PCGF5: variants seen among roughly 807,000 people sequenced by gnomAD.
The protein encoded by PCGF5 is polycomb group ring finger 5.
PCGF5 carries 9 observed loss-of-function variants against 44.3 expected under a neutral mutation model. The ratio of observed to expected loss-of-function variants is 0.20; its 90% confidence interval spans 0.12 to 0.35. The LOEUF (loss-of-function observed/expected upper bound fraction) is 0.35, where lower values mean the gene tolerates loss of function less well. Ranked by LOEUF, PCGF5 falls within the 10% of genes least tolerant of loss-of-function variation. The pLI is 1.00. For synonymous variants in PCGF5, 95 were observed against 102.5 expected (o/e 0.93, Z 0.44); for missense variants, 146 against 305.3 (o/e 0.48, Z 3.89).
At chr10:91,184,833 G>T (rs1278713675) in intron 1 of PCGF5, among the ~76,000 whole-genome samples, 1 of 152,110 alleles carries the variant, frequency 6.6e-6, no homozygotes, top group Admixed American at 6.5e-5. Context: ...GTATCTGGAG[G>T]TATCACCAGT....
chr10:91,214,719 A>G (rs1844511333), intron 1 of PCGF5, among the ~76,000 whole-genome samples: 1 of 152,234 alleles, frequency 6.6e-6, no homozygotes, highest in Non-Finnish European at 1.5e-5. Context: ...AAAGAACTGC[A>G]GATAAAATAT....
At chr10:91,202,759 G>A (rs1034080034) in intron 1 of PCGF5, among the ~76,000 whole-genome samples, 2 of 152,082 alleles carry the variant, frequency 1.3e-5, no homozygotes, top group Non-Finnish European at 2.9e-5. Context: ...TGGGGCAAGG[G>A]GTAGTTAGGC....
chr10:91,165,880 C>G (rs1843491261), intron 1 of PCGF5, among the ~76,000 whole-genome samples: 1 of 151,940 alleles, frequency 6.6e-6, no homozygotes, highest in African/African-American at 2.4e-5. Context: ...TTAATTAGCC[C>G]CAGTCTTGTA....
intron 6 of PCGF5, among the ~76,000 whole-genome samples, chr10:91,252,111 C>T (rs1221219123): frequency 6.6e-6 from 1 of 151,942 alleles, no homozygotes; most frequent in Non-Finnish European, 1.5e-5. Context: ...ATGTTTTCTA[C>T]CTTTTTATTA....
chr10:91,161,219 A>G (rs1376902170), upstream of PCGF5, among the ~76,000 whole-genome samples: 1 of 152,180 alleles, frequency 6.6e-6, no homozygotes, highest in Non-Finnish European at 1.5e-5. Context: ...TAATCTCAGG[A>G]TTGCCTCACC....
At chr10:91,268,459 AT>A (rs1564656782) in intron 8 of PCGF5, among the ~76,000 whole-genome samples, 2 of 152,050 alleles carry the variant, frequency 1.3e-5, no homozygotes, top group African/African-American at 4.8e-5. Flanking sequence ...ATATTTCTAG[AT>A]TGATTTGGCT....
At position 91,169,195 on chromosome 10, in the gene PCGF5, A is replaced by G. The variant is rs144052226; in HGVS notation, c.-184+6114A>G. On this transcript the variant is annotated intron_variant, in intron 1 of 9. Coordinates refer to the PCGF5 transcript ENST00000614189. ...AGGATAAAAGTGGATAATAATGCCC[A>G]ATTTTAATCTTAAAAGAGAGCCTAT... Among the ~76,000 whole-genome samples the G allele has an allele frequency of 2.1e-4, 32 of 152,320 alleles. No homozygotes were observed. The East Asian group carries it at 6.2e-3, about 29-fold the overall frequency.
At chr10:91,254,302 C>A (rs975211135) in intron 6 of PCGF5, among the ~76,000 whole-genome samples, 8 of 151,660 alleles carry the variant, frequency 5.3e-5, no homozygotes, top group African/African-American at 1.9e-4. Flanking sequence ...ATACTTAAGA[C>A]CTCTAAAACT....
At position 91,264,257 on chromosome 10, in the gene PCGF5, A is replaced by T. The variant is rs41286926; in HGVS notation, c.574-174A>T. Among the ~76,000 whole-genome samples the T allele has an allele frequency of 2.0e-3, 302 of 152,366 alleles. 2 individuals carry two copies. The highest frequency in any genetic ancestry group is 3.5e-3 in the Non-Finnish European group (235 of 68,044). The stretch of plus-strand genomic sequence containing the variant: ...ATAGTATACAGCATAGTAACAGTAT[A>T]TAAGTAACATATCCAAATTGTTAAT... On this transcript the variant is annotated intron_variant, in intron 7 of 9. Coordinates refer to ENST00000336126, the MANE Select transcript of PCGF5 (RefSeq NM_032373.5).
chr10:91,269,910 C>T (rs1438169184), intron 8 of PCGF5, among the ~76,000 whole-genome samples: 1 of 152,062 alleles, frequency 6.6e-6, no homozygotes, highest in Non-Finnish European at 1.5e-5. Context: ...TTATGTGTTA[C>T]AGCTATTTTC....
chr10:91,271,249 T>C (rs1408403640), intron 8 of PCGF5, among the ~76,000 whole-genome samples: 2 of 152,020 alleles, frequency 1.3e-5, no homozygotes, highest in African/African-American at 4.8e-5. Context: ...CAGTATTACT[T>C]TCAGGGGAAG....
At chr10:91,175,924 T>G (rs934222896) in intron 1 of PCGF5, among the ~76,000 whole-genome samples, 4 of 152,214 alleles carry the variant, frequency 2.6e-5, no homozygotes, top group African/African-American at 9.6e-5. Context: ...AAGGTTAATA[T>G]TGTTATGTGT....
chr10:91,276,578 T>A (rs902135835), intron 9 of PCGF5, among the ~76,000 whole-genome samples: 4 of 152,218 alleles, frequency 2.6e-5, no homozygotes, highest in African/African-American at 9.6e-5. Flanking sequence ...TCATATGTTC[T>A]TATAGAACAC....
intron 6 of PCGF5, among the ~76,000 whole-genome samples, chr10:91,258,304 G>T (rs1845808213): frequency 6.6e-6 from 1 of 152,134 alleles, no homozygotes; most frequent in African/African-American, 2.4e-5. Context: ...CATTTCTGGA[G>T]ATTCTTCCTA....
At chr10:91,218,131 G>A (rs1392562537), upstream of PCGF5, among the ~76,000 whole-genome samples, 1 of 152,316 alleles carries the variant, frequency 6.6e-6, no homozygotes, top group East Asian at 1.9e-4. Context: ...TGGGACTTGA[G>A]AAGTACTCTC....
At chr10:91,224,462 T>C (rs1447203995) in intron 2 of PCGF5, among the ~76,000 whole-genome samples, 1 of 152,112 alleles carries the variant, frequency 6.6e-6, no homozygotes, top group Non-Finnish European at 1.5e-5. Flanking sequence ...AAGAAGTCTC[T>C]GCTCAAGAAG....
intron 6 of PCGF5, among the ~76,000 whole-genome samples, chr10:91,254,980 A>G (rs1242927888): frequency 6.6e-6 from 1 of 152,132 alleles, no homozygotes; most frequent in Non-Finnish European, 1.5e-5. Context: ...CTTGAAAATA[A>G]CAGCCTGCTT....
intron 1 of PCGF5, among the ~76,000 whole-genome samples, chr10:91,188,103 C>T (rs767103235): frequency 1.2e-4 from 18 of 152,218 alleles, no homozygotes; most frequent in Non-Finnish European, 1.9e-4. Context: ...GGAACAGCTC[C>T]GGTCTACAGC....
chr10:91,194,609 T>A (rs1008185919), intron 1 of PCGF5, among the ~76,000 whole-genome samples: 1 of 152,304 alleles, frequency 6.6e-6, no homozygotes. Flanking sequence ...TAATTTGTTA[T>A]CACAGCAATA....
Sources: gnomAD v4.1 joint callset for allele counts (sites outside exome capture counted in the v4.1 genomes callset) on GRCh38, gnomAD v4.1.1 for gene constraint, MANE v1.5 for transcripts, NCBI Gene and HGNC (gene_info 2026-07-23, HGNC 2026-07-21) for gene names.